Variants in PRKN observed in about 807,000 individuals in gnomAD.
The protein encoded by PRKN is parkin RBR E3 ubiquitin protein ligase.
In PRKN, 56 loss-of-function variants were observed where a neutral mutation model predicts 59.5. The ratio of observed to expected loss-of-function variants is 0.94; its 90% CI spans 0.76 to 1.18. The LOEUF (loss-of-function observed/expected upper bound fraction) is 1.18, where lower values mean the gene tolerates loss of function less well. Among genes scored for constraint, PRKN ranks in the 50% most tolerant of loss-of-function variants. The probability of loss-of-function intolerance (pLI) is 0.00; values close to 1 mark genes in which losing one functional copy is unlikely to be tolerated. For missense variants in PRKN, 657 were observed against 596.4 expected (o/e 1.10, Z -1.06); for synonymous variants, 250 against 222.1 (o/e 1.13, Z -1.12).
chr6:161,665,747 A>T (rs1232910098), intron 7 of PRKN, among the ~76,000 whole-genome samples: 1 of 152,128 alleles, frequency 6.6e-6, no homozygotes, highest in East Asian at 1.9e-4. Context: ...TGACAACAAT[A>T]ACAAAACACG....
chr6:161,934,846 A>T (rs1007495013), intron 6 of PRKN, among the ~76,000 whole-genome samples: 1 of 152,216 alleles, frequency 6.6e-6, no homozygotes, highest in African/African-American at 2.4e-5. Context: ...GATAAAAAAT[A>T]GAAGTTTCAG....
chr6:162,460,822 G>A (rs145516949), intron 1 of PRKN, among the ~76,000 whole-genome samples: 4 of 152,212 alleles, frequency 2.6e-5, no homozygotes, highest in East Asian at 1.9e-4. Flanking sequence ...ATATCTCACA[G>A]TTGCTGTACC....
chr6:162,412,425 C>T (rs141461915), intron 2 of PRKN, among the ~76,000 whole-genome samples: 104 of 152,058 alleles, frequency 6.8e-4, no homozygotes, highest in African/African-American at 2.5e-3. Context: ...AAGCCACCGC[C>T]TCCCTATGCG....
At chr6:161,723,141 G>A (rs936555810) in intron 7 of PRKN, among the ~76,000 whole-genome samples, 1 of 152,014 alleles carries the variant, frequency 6.6e-6, no homozygotes, top group Non-Finnish European at 1.5e-5. Flanking sequence ...GGAGGTGAGT[G>A]CCTGTAATCC....
intron 5 of PRKN, among the ~76,000 whole-genome samples, chr6:162,051,292 C>G (rs1443750327): frequency 6.6e-6 from 1 of 152,212 alleles, no homozygotes; most frequent in South Asian, 2.1e-4. Context: ...ATTCTTCAGC[C>G]ACGCTCAGGC....
chr6:161,656,762 A>T (rs1402320377), intron 7 of PRKN, among the ~76,000 whole-genome samples: 4 of 152,076 alleles, frequency 2.6e-5, no homozygotes, highest in Non-Finnish European at 5.9e-5. Flanking sequence ...GTCCTAATTT[A>T]TCTTCTCCAA....
At chr6:162,014,443 T>C (rs1488943661) in intron 5 of PRKN, among the ~76,000 whole-genome samples, 1 of 152,158 alleles carries the variant, frequency 6.6e-6, no homozygotes, top group Admixed American at 6.5e-5. Context: ...AGGGGAAACC[T>C]TGAAGACATG....
At chr6:161,897,778 G>A (rs996003571) in intron 6 of PRKN, among the ~76,000 whole-genome samples, 11 of 149,630 alleles carry the variant, frequency 7.4e-5, no homozygotes, top group Admixed American at 2.7e-4. Context: ...TCAGGAGATC[G>A]AGACCAAGGT....
chr6:162,682,494 G>C (rs1024886249), intron 1 of PRKN, among the ~76,000 whole-genome samples: 1 of 152,096 alleles, frequency 6.6e-6, no homozygotes, highest in Non-Finnish European at 1.5e-5. Context: ...AAGCAAATTA[G>C]TGCAAAAACA....
chr6:162,126,116 T>G (rs147688653), intron 4 of PRKN, among the ~76,000 whole-genome samples: 1 of 152,166 alleles, frequency 6.6e-6, no homozygotes, highest in Non-Finnish European at 1.5e-5. Context: ...TATTAACTGT[T>G]TTAACACTGT....
intron 2 of PRKN, among the ~76,000 whole-genome samples, chr6:162,274,355 T>G (rs573128347): frequency 6.6e-6 from 1 of 151,960 alleles, no homozygotes; most frequent in Non-Finnish European, 1.5e-5. Context: ...TCCAGCTAAT[T>G]TTTTGTATAT....
At chr6:161,922,195 CAG>C (rs570211942) in intron 6 of PRKN, among the ~76,000 whole-genome samples, 2 of 152,284 alleles carry the variant, frequency 1.3e-5, no homozygotes, top group South Asian at 2.1e-4. Context: ...ATGAAATTGG[CAG>C]AGTGTCAACT....
intron 4 of PRKN, among the ~76,000 whole-genome samples, chr6:162,063,690 A>T (rs1334464656): frequency 3.3e-5 from 5 of 151,978 alleles, no homozygotes; most frequent in Non-Finnish European, 7.4e-5. Context: ...GATTACAGGC[A>T]TTTGCCACCA....
chr6:161,892,617 T>C (rs1358182034), intron 6 of PRKN, among the ~76,000 whole-genome samples: 1 of 151,954 alleles, frequency 6.6e-6, no homozygotes, highest in Non-Finnish European at 1.5e-5. Flanking sequence ...GAGGCTGAGG[T>C]GGGAGGATCT....
At chr6:161,874,186 T>C (rs1313816657) in intron 6 of PRKN, among the ~76,000 whole-genome samples, 1 of 65,280 alleles carries the variant, frequency 1.5e-5, no homozygotes, top group Non-Finnish European at 2.5e-5. Context: ...ATATTATATA[T>C]AATATATAAT....
chr6:162,046,294 T>G (rs1440191588), intron 5 of PRKN, among the ~76,000 whole-genome samples: 1 of 152,202 alleles, frequency 6.6e-6, no homozygotes, highest in Non-Finnish European at 1.5e-5. Context: ...GGTATAAAAT[T>G]CCTCATATTT....
At chr6:162,225,644 C>G (rs1410416750) in intron 3 of PRKN, among the ~76,000 whole-genome samples, 2 of 152,116 alleles carry the variant, frequency 1.3e-5, no homozygotes, top group Admixed American at 1.3e-4. Flanking sequence ...TCTGCACCCT[C>G]CATGGAGCCA....
At position 161,417,362 on chromosome 6, in the gene PRKN, A is replaced by G. The variant is rs1381310048; in HGVS notation, c.1084-30485T>C. Among the ~76,000 whole-genome samples, 1 of 151,748 alleles carries G rather than the reference A, an allele frequency of 6.6e-6. No homozygotes were observed. The highest frequency in any genetic ancestry group is 1.9e-4 in the East Asian group (1 of 5,148). ...CTACTCGGGAGGCTAAGGCAGCAGAATCACTTGAACCTGGGAGGCGGAGGT... is the reference window on the plus strand; with the variant it reads ...CTACTCGGGAGGCTAAGGCAGCAGAGTCACTTGAACCTGGGAGGCGGAGGT... On this transcript the variant is annotated intron_variant, in intron 9 of 11. Coordinates refer to ENST00000366898, the MANE Select transcript of PRKN (RefSeq NM_004562.3). The surrounding 1 kb of genome is among the most constrained non-coding windows in gnomAD (Gnocchi z 5.4).
intron 7 of PRKN, among the ~76,000 whole-genome samples, chr6:161,767,437 A>G (rs965756618): frequency 6.6e-6 from 1 of 151,834 alleles, no homozygotes; most frequent in African/African-American, 2.4e-5. Context: ...GAATGGCGTG[A>G]GCCCGGGAGG....
Sources: allele counts gnomAD v4.1 joint callset (sites outside exome capture counted in the v4.1 genomes callset), GRCh38; gene constraint gnomAD v4.1.1; non-coding constraint Gnocchi (gnomAD v3.1); transcripts MANE v1.5; gene names NCBI Gene and HGNC (gene_info 2026-07-23, HGNC 2026-07-21).